The following ZBTB11 variants were observed in gnomAD, a reference collection of about 807,000 sequenced individuals.
ZBTB11 encodes zinc finger and BTB domain containing 11.
In ZBTB11, 68 loss-of-function variants were observed where a neutral mutation model predicts 113.1. The observed-to-expected ratio is 0.60, with a 90% CI of 0.49 to 0.74. The LOEUF (loss-of-function observed/expected upper bound fraction) is 0.74. ZBTB11 is among the 30% of genes least tolerant of loss of function. The probability of loss-of-function intolerance (pLI) is 0.00; values close to 1 mark genes in which losing one functional copy is unlikely to be tolerated. For missense variants in ZBTB11, 1,104 were observed against 1,279.4 expected (o/e 0.86, Z 2.09); for synonymous variants, 518 against 452.6 (o/e 1.14, Z -1.83).
chr3:101,665,482 C>A lies in ZBTB11; in HGVS notation c.1105G>T (p.Gly369Ter). 6.2e-7 allele frequency: 1 copy of A among 1,614,174 alleles called. No homozygotes were observed. The highest frequency in any genetic ancestry group is 8.5e-7 in the Non-Finnish European group (1 of 1,180,032). ...TTCTGCTCAGCTTCTGGCAATTCTCCATTTACCAGTAGTACAATTTCACAA... is the reference window on the plus strand; with the variant it reads ...TTCTGCTCAGCTTCTGGCAATTCTCAATTTACCAGTAGTACAATTTCACAA... Reference protein sequence around the residue: ...GDCEIVLLVNGELPEAEQNGE... With the variant: ...GDCEIVLLVN The change falls in exon 4 of 11, where the codon GGA becomes TGA. Residue 369 changes from glycine to a stop codon, truncating the protein, a stop_gained. Transcript: ENST00000312938. LOFTEE classifies it high-confidence loss of function.
chr3:101,659,695 T>C (rs774983978), intron 6 of ZBTB11, 88 bp downstream of exon 6: 1 of 1,492,574 alleles, frequency 6.7e-7, no homozygotes, highest in Non-Finnish European at 9.1e-7. Context: ...TGAGAGTGAC[T>C]TGAGAATACA....
intron 2 of ZBTB11, 56 bp downstream of exon 2, chr3:101,671,922 G>A (rs1159864727): frequency 7.3e-7 from 1 of 1,374,752 alleles, no homozygotes; most frequent in African/African-American, 1.4e-5. Flanking sequence ...CACCAAGGCT[G>A]CAAATACTAG....
At chr3:101,660,963 T>C (rs1187891032) in intron 5 of ZBTB11, among the ~76,000 whole-genome samples, 1 of 151,728 alleles carries the variant, frequency 6.6e-6, no homozygotes, top group Non-Finnish European at 1.5e-5. Flanking sequence ...CTGGGTGTGG[T>C]GGCTTACGTC....
At chr3:101,670,898 CT>C in intron 3 of ZBTB11, 1 of 455,004 alleles carries the variant, frequency 2.2e-6, no homozygotes, top group South Asian at 4.9e-5. Flanking sequence ...CCTAGAAATT[CT>C]TTTTCTGCTA....
Position 101,677,041 on chromosome 3 carries a change from C to CT in ZBTB11, c.-128dup. ...AACGGCTGCGCCTTTGGCGAGCGCTCTTCGACGGCTCCCTTAGTCCGAAGG... is the reference window on the plus strand; with the variant it reads ...AACGGCTGCGCCTTTGGCGAGCGCTCTTTCGACGGCTCCCTTAGTCCGAAGG... On this transcript the variant is annotated 5_prime_UTR_variant, in exon 1 of 11. Coordinates refer to ENST00000312938, the MANE Select transcript of ZBTB11 (RefSeq NM_014415.4). 17 of 1,055,494 alleles carry CT rather than the reference C, an allele frequency of 1.6e-5. No individual in the cohort carries two copies. Among genetic ancestry groups the CT allele is most frequent in the Non-Finnish European group, 2.1e-5 (16 of 758,680 alleles). 65.4% of individuals were successfully genotyped at this position (1,055,494 alleles called of 1,614,324 possible).
intron 3 of ZBTB11, chr3:101,670,929 G>C: frequency 1.9e-6 from 1 of 538,950 alleles, no homozygotes; most frequent in South Asian, 3.0e-5. Context: ...CACTTAAGAC[G>C]TAGTGAAAGG....
intron 3 of ZBTB11, 164 bp downstream of exon 3, chr3:101,670,966 C>T (rs1000871359): frequency 1.7e-6 from 1 of 585,906 alleles, no homozygotes; most frequent in Non-Finnish European, 3.1e-6. Context: ...CATAACTCTA[C>T]CACAGAAATC....
chr3:101,664,964 C>A lies in ZBTB11; in HGVS notation c.1623G>T (p.Gln541His). ...AAGGTCAACCCTTCTTACATCATAC[C>A]TGTTGAACTGCTGACTTGGGAACGG... is the stretch of plus-strand genomic sequence containing the variant. ...RKAVPKSAVQ[Q>H]VAQKLVQRGK... is the part of the protein sequence containing the mutation. Residue 541 changes from glutamine (Q) to histidine (H), a missense_variant and splice_region_variant, in exon 4 of 11, where the codon CAG becomes CAT. This residue lies in a region of ZBTB11 where 535 missense variants were observed against 518.6 expected (regional missense o/e 1.03). Transcript: ENST00000312938. 2 of 1,608,514 alleles carry A rather than the reference C, an allele frequency of 1.2e-6. No individual in the cohort carries two copies. Among genetic ancestry groups the A allele is most frequent in the Non-Finnish European group, 1.7e-6 (2 of 1,176,522 alleles).
chr3:101,673,875 T>C (rs1475548599), intron 1 of ZBTB11, among the ~76,000 whole-genome samples: 1 of 152,192 alleles, frequency 6.6e-6, no homozygotes, highest in African/African-American at 2.4e-5. Flanking sequence ...CCAAATTGTA[T>C]TATGTCCCAC....
intron 1 of ZBTB11, among the ~76,000 whole-genome samples, chr3:101,673,295 C>T (rs1937111200): frequency 6.6e-6 from 1 of 152,106 alleles, no homozygotes; most frequent in Admixed American, 6.5e-5. Context: ...TCCAAAGTCA[C>T]ATCTAGTAAA....
intron 7 of ZBTB11, 123 bp downstream of exon 7, chr3:101,655,979 TAC>T (rs1250500237): frequency 2.4e-6 from 2 of 848,992 alleles, no homozygotes; most frequent in African/African-American, 1.8e-5. Context: ...TAATTTAAAA[TAC>T]TGTCTCAATA....
chr3:101,674,452 C>T (rs7651406), intron 1 of ZBTB11, among the ~76,000 whole-genome samples: 53,818 of 151,772 alleles, frequency 0.35, 9,867 homozygotes, highest in African/African-American at 0.42. Context: ...GGCTTACACC[C>T]GTAATCCCAG....
intron 2 of ZBTB11, 79 bp from the exon 3 acceptor site, chr3:101,671,440 T>C (rs1407795783): frequency 5.2e-6 from 5 of 966,194 alleles, no homozygotes; most frequent in East Asian, 4.8e-5. Context: ...ACAAGACACA[T>C]TACATATTAC....
intron 5 of ZBTB11, among the ~76,000 whole-genome samples, chr3:101,663,607 T>C (rs1341349222): frequency 6.6e-6 from 1 of 152,068 alleles, no homozygotes; most frequent in Non-Finnish European, 1.5e-5. Flanking sequence ...AGAAAGACCT[T>C]GGGCCGGGTG....
At chr3:101,666,484 T>C (rs1201410408) in intron 3 of ZBTB11, among the ~76,000 whole-genome samples, 2 of 152,006 alleles carry the variant, frequency 1.3e-5, no homozygotes, top group Non-Finnish European at 1.5e-5. Flanking sequence ...CCTTGGGCTG[T>C]AGTTTGCCTA....
intron 6 of ZBTB11, among the ~76,000 whole-genome samples, 191 bp from the exon 7 acceptor site, chr3:101,656,439 C>T (rs1936799923): frequency 6.6e-6 from 1 of 152,060 alleles, no homozygotes; most frequent in African/African-American, 2.4e-5. Context: ...CAGTATTCAA[C>T]AAATATTGTT....
intron 2 of ZBTB11, chr3:101,671,758 T>C (rs1277096267): frequency 2.7e-5 from 16 of 601,660 alleles, no homozygotes; most frequent in Non-Finnish European, 3.8e-5. Flanking sequence ...GGGAGGATAA[T>C]TAACAACAAA....
In ZBTB11 at chr3:101,665,058, C is replaced by G. The variant is rs139728463; in HGVS notation, c.1529G>C (p.Arg510Pro). Residue 510 changes from arginine to proline, a missense_variant, in exon 4 of 11, where the codon CGT becomes CCT. Physicochemically the swap from Arg to Pro is moderately radical, Grantham distance 103. This residue lies in a region of ZBTB11 where 535 missense variants were observed against 518.6 expected (regional missense o/e 1.03). Coordinates refer to ENST00000312938, the MANE Select transcript of ZBTB11 (RefSeq NM_014415.4). ...AATATATGCCCCTTCATTAACAGAA[C>G]GTTGTCGAAGCCTGCTTCTATAAGT... is the stretch of plus-strand genomic sequence containing the variant. Reference protein sequence around the residue: ...DDTYRSRLRQRSVNEGAYIRL... With the variant: ...DDTYRSRLRQPSVNEGAYIRL... The G allele has an allele frequency of 4.3e-6, 7 of 1,613,988 alleles. No individual in the cohort carries two copies. In the African/African-American group the frequency reaches 8.0e-5, roughly 18 times the overall value.
chr3:101,672,400 T>C (rs1177414341), intron 1 of ZBTB11, among the ~76,000 whole-genome samples, 187 bp from the exon 2 acceptor site: 1 of 152,264 alleles, frequency 6.6e-6, no homozygotes, highest in Admixed American at 6.5e-5. Context: ...ATAAATGATG[T>C]TCTCCTGCTG....
Sources: allele counts gnomAD v4.1 joint callset (sites outside exome capture counted in the v4.1 genomes callset), GRCh38; gene constraint gnomAD v4.1.1; regional missense constraint gnomAD v4.1.1; transcripts MANE v1.5; gene names NCBI Gene and HGNC (gene_info 2026-07-23, HGNC 2026-07-21).